Variants in GRM7 observed in about 807,000 individuals in gnomAD.
GRM7 encodes glutamate metabotropic receptor 7.
In GRM7, 35 loss-of-function variants were observed where a neutral mutation model predicts 84.5. That is an observed-to-expected ratio of 0.41 (90% CI 0.32 to 0.55). The LOEUF is 0.55. Among genes scored for constraint, GRM7 ranks in the 20% least tolerant of loss-of-function variants. The pLI, the probability that GRM7 is intolerant of heterozygous loss-of-function variation, is 0.19. For missense variants in GRM7, 1,003 were observed against 1,194.6 expected (o/e 0.84, Z 2.36); for synonymous variants, 487 against 455.1 (o/e 1.07, Z -0.89).
intron 1 of GRM7, among the ~76,000 whole-genome samples, chr3:6,866,788 C>A (rs1694952095): frequency 6.6e-6 from 1 of 152,178 alleles, no homozygotes; most frequent in Admixed American, 6.6e-5. Context: ...ATCTTCCTGG[C>A]CCCAGGGATG....
At chr3:7,333,786 A>G (rs1391104198) in intron 4 of GRM7, among the ~76,000 whole-genome samples, 3 of 152,188 alleles carry the variant, frequency 2.0e-5, no homozygotes, top group African/African-American at 4.8e-5. Context: ...AAACTTCTGG[A>G]AAATAAAGAC....
At chr3:7,717,968 T>C (rs913615936) in intron 9 of GRM7, among the ~76,000 whole-genome samples, 4 of 152,194 alleles carry the variant, frequency 2.6e-5, no homozygotes, top group Non-Finnish European at 1.5e-5. Context: ...TGCCTTACAA[T>C]ATTTCCATTT....
Position 7,633,754 on chromosome 3 carries a change from G to A in GRM7, c.2452-46295G>A, listed in dbSNP as rs146149286. On this transcript the variant is annotated intron_variant, in intron 8 of 9. Transcript: ENST00000357716. The stretch of plus-strand genomic sequence containing the variant: ...TGTTCCTTCCCCGCAATGCATTACC[G>A]TTAATTTCTTTGTATGTAATGTCTG... 6.2e-3 allele frequency among the ~76,000 whole-genome samples: 939 copies of A among 152,208 alleles called. 6 individuals carry two copies. Among genetic ancestry groups the A allele is most frequent in the Non-Finnish European group, 6.9e-3 (471 of 68,010 alleles).
At chr3:7,492,313 C>T (rs1188332696) in intron 7 of GRM7, among the ~76,000 whole-genome samples, 1 of 152,110 alleles carries the variant, frequency 6.6e-6, no homozygotes, top group Non-Finnish European at 1.5e-5. Context: ...GGTAGAATTT[C>T]CCCATGAAGC....
chr3:7,591,617 G>C, intron 8 of GRM7: 1 of 347,702 alleles, frequency 2.9e-6, no homozygotes, highest in South Asian at 2.3e-5. Flanking sequence ...ACAAAAGGGA[G>C]GTGACAGTGC....
At chr3:6,884,512 C>T (rs1047026402) in intron 1 of GRM7, among the ~76,000 whole-genome samples, 1 of 152,064 alleles carries the variant, frequency 6.6e-6, no homozygotes, top group African/African-American at 2.4e-5. Flanking sequence ...CCATTTTGAC[C>T]ATTTAAATAT....
intron 4 of GRM7, among the ~76,000 whole-genome samples, chr3:7,388,530 A>G (rs1017072438): frequency 1.3e-5 from 2 of 152,070 alleles, no homozygotes; most frequent in African/African-American, 2.4e-5. Context: ...CAATTCTTCT[A>G]TGGACATCTC....
chr3:7,397,918 G>A (rs1695281227), intron 4 of GRM7, among the ~76,000 whole-genome samples: 1 of 152,040 alleles, frequency 6.6e-6, no homozygotes, highest in South Asian at 2.1e-4. Flanking sequence ...TAATAGTGCT[G>A]AGGTTGAGAA....
At chr3:7,584,960 C>T (rs982163426) in intron 8 of GRM7, among the ~76,000 whole-genome samples, 1 of 152,124 alleles carries the variant, frequency 6.6e-6, no homozygotes, top group African/African-American at 2.4e-5. Flanking sequence ...AATGATTGTC[C>T]AATCATCTGG....
chr3:7,219,400 A>G (rs769677564), intron 2 of GRM7, among the ~76,000 whole-genome samples: 5 of 152,138 alleles, frequency 3.3e-5, no homozygotes, highest in Non-Finnish European at 7.4e-5. Flanking sequence ...TTATTTTTGT[A>G]TCTTGACTTT....
chr3:7,311,927 T>C (rs191627974), intron 4 of GRM7, among the ~76,000 whole-genome samples: 2 of 152,234 alleles, frequency 1.3e-5, no homozygotes, highest in Non-Finnish European at 2.9e-5. Context: ...CTGTACAGCT[T>C]TGGAAAGAGA....
chr3:6,999,214 G>T (rs1050066475), intron 1 of GRM7, among the ~76,000 whole-genome samples: 1 of 152,082 alleles, frequency 6.6e-6, no homozygotes, highest in Non-Finnish European at 1.5e-5. Context: ...GTTTCTTTGC[G>T]AAATCATAGC....
At position 7,666,416 on chromosome 3, in the gene GRM7, G is replaced by GTCTT. The variant is rs1308402582; in HGVS notation, c.2452-13631_2452-13628dup. 5.9e-4 allele frequency among the ~76,000 whole-genome samples: 90 copies of GTCTT among 152,316 alleles called. 1 individual carries two copies. The highest frequency in any genetic ancestry group is 2.1e-3 in the African/African-American group (89 of 41,556). The stretch of plus-strand genomic sequence containing the variant: ...GCCAGATACTATAGGGCCATGGGAA[G>GTCTT]TCTTTGAAGGATGTCTTACATCAGA... On this transcript the variant is annotated intron_variant, in intron 8 of 9. Coordinates refer to ENST00000357716, the MANE Select transcript of GRM7 (RefSeq NM_000844.4).
intron 8 of GRM7, among the ~76,000 whole-genome samples, chr3:7,648,548 C>A (rs1469821941): frequency 6.6e-6 from 1 of 151,810 alleles, no homozygotes; most frequent in Admixed American, 6.6e-5. Context: ...ACTCAGGAGG[C>A]TGAGGCAGGA....
At chr3:7,589,487 T>C (rs1184772512) in intron 8 of GRM7, among the ~76,000 whole-genome samples, 3 of 152,198 alleles carry the variant, frequency 2.0e-5, no homozygotes, top group African/African-American at 7.2e-5. Context: ...AATCTTAAGA[T>C]GCTTCATTGT....
intron 2 of GRM7, among the ~76,000 whole-genome samples, chr3:7,171,631 G>A (rs1468211107): frequency 3.3e-5 from 5 of 152,088 alleles, no homozygotes; most frequent in Admixed American, 3.3e-4. Flanking sequence ...AGATGGCAAG[G>A]TCAGCATCTT....
chr3:7,122,799 A>G (rs1261665300), intron 1 of GRM7, among the ~76,000 whole-genome samples: 1 of 152,230 alleles, frequency 6.6e-6, no homozygotes, highest in African/African-American at 2.4e-5. Flanking sequence ...TCAGACACAA[A>G]TAACTTTTCA....
At chr3:7,736,624 C>G in intron 9 of GRM7, among the ~76,000 whole-genome samples, 1 of 152,034 alleles carries the variant, frequency 6.6e-6, no homozygotes, top group East Asian at 1.9e-4. Flanking sequence ...GAGCACACAT[C>G]CCAAGTTCAG....
intron 1 of GRM7, among the ~76,000 whole-genome samples, chr3:6,978,996 T>C (rs1694099787): frequency 6.6e-6 from 1 of 152,128 alleles, no homozygotes; most frequent in Non-Finnish European, 1.5e-5. Context: ...TATACATGTT[T>C]CAGAGTAGCC....
Sources: gnomAD v4.1 joint callset for allele counts (sites outside exome capture counted in the v4.1 genomes callset) on GRCh38, gnomAD v4.1.1 for gene constraint, MANE v1.5 for transcripts, NCBI Gene and HGNC (gene_info 2026-07-23, HGNC 2026-07-21) for gene names.